STK4: variants seen among roughly 807,000 people sequenced by gnomAD.
The protein encoded by STK4 is serine/threonine-protein kinase 4.
STK4 carries 30 observed loss-of-function variants against 64.9 expected under a neutral mutation model. The observed-to-expected ratio is 0.46, with a 90% confidence interval of 0.35 to 0.63. The LOEUF (loss-of-function observed/expected upper bound fraction) is 0.63. Among genes scored for constraint, STK4 ranks in the 20% least tolerant of loss-of-function variants. The pLI is 0.01. For missense variants in STK4, 466 were observed against 598.5 expected (o/e 0.78, Z 2.31); for synonymous variants, 177 against 199.0 (o/e 0.89, Z 0.93).
intron 4 of STK4, among the ~76,000 whole-genome samples, chr20:44,982,156 G>A (rs1362960465): frequency 6.8e-6 from 1 of 147,568 alleles, no homozygotes; most frequent in Non-Finnish European, 1.5e-5. Flanking sequence ...CTGTCACCCA[G>A]GCTGGAGTGT....
intron 10 of STK4, among the ~76,000 whole-genome samples, chr20:45,067,551 A>G (rs530328589): frequency 4.3e-4 from 66 of 152,276 alleles, no homozygotes; most frequent in African/African-American, 1.5e-3. Flanking sequence ...TGTGTTCCCT[A>G]TGGGGCTGGT....
rs1980500214 is a variant in STK4 at position 45,076,187 on chromosome 20, T to C, written c.*1011T>C. 6.6e-6 allele frequency: 1 copy of C among 152,322 alleles called. No homozygotes were observed. The highest frequency in any genetic ancestry group is 2.4e-5 in the African/African-American group (1 of 41,460). The allele number at this position is 152,322 out of a possible 1,614,324, so 9.4% of individuals were successfully genotyped here. ...ACTGTTTTCTTTTCTCTTTTACTGCTAAGCAGCCTGGAAAGGATAAATGAA... is the reference window on the plus strand; with the variant it reads ...ACTGTTTTCTTTTCTCTTTTACTGCCAAGCAGCCTGGAAAGGATAAATGAA... On this transcript the variant is annotated 3_prime_UTR_variant, in exon 11 of 11. Transcript: ENST00000372806. The surrounding 1 kb of genome is among the most constrained non-coding windows in gnomAD (Gnocchi z 4.0).
chr20:44,980,856 G>T (rs1395304174), intron 3 of STK4, among the ~76,000 whole-genome samples: 3 of 152,032 alleles, frequency 2.0e-5, no homozygotes, highest in Admixed American at 1.3e-4. Context: ...TTTTAGTAGA[G>T]ACGGGGTTTC....
At chr20:45,069,304 T>C (rs911648454) in intron 10 of STK4, among the ~76,000 whole-genome samples, 51 of 152,242 alleles carry the variant, frequency 3.3e-4, no homozygotes, top group African/African-American at 1.1e-3. Flanking sequence ...ATACTTGGTC[T>C]GATCTCTTCA....
chr20:45,064,647 C>T (rs55658988), intron 10 of STK4, among the ~76,000 whole-genome samples: 5,376 of 152,044 alleles, frequency 0.035, 321 homozygotes, highest in African/African-American at 0.12. Flanking sequence ...TCTTTCACTT[C>T]CCTGGTTAGC....
Position 45,031,584 on chromosome 20 carries a change from A to G in STK4, c.1305+6454A>G, listed in dbSNP as rs373549718. 5.3e-5 allele frequency among the ~76,000 whole-genome samples: 8 copies of G among 152,260 alleles called. 1 individual carries two copies. Among genetic ancestry groups the G allele is most frequent in the East Asian group, 1.9e-4 (1 of 5,174 alleles). ...AGATACACTAGGCAAATACTCACTA[A>G]AAGAAAGTGGGTGAAACAATATTGA... On this transcript the variant is annotated intron_variant, in intron 10 of 10. Transcript: ENST00000372806.
At chr20:45,011,719 A>G (rs1460747917) in intron 9 of STK4, among the ~76,000 whole-genome samples, 2 of 104,488 alleles carry the variant, frequency 1.9e-5, no homozygotes, top group African/African-American at 3.9e-5. Flanking sequence ...ATATATATAT[A>G]TATATATATA....
intron 10 of STK4, among the ~76,000 whole-genome samples, chr20:45,040,374 A>C (rs533756232): frequency 6.6e-6 from 1 of 152,132 alleles, no homozygotes; most frequent in African/African-American, 2.4e-5. Context: ...TTCTCCAAAG[A>C]TATAACCAGG....
chr20:45,038,186 C>T (rs2068556842), intron 10 of STK4, among the ~76,000 whole-genome samples: 1 of 152,070 alleles, frequency 6.6e-6, no homozygotes. Context: ...ATCATCAAGT[C>T]AGCTATTCTT....
At chr20:44,970,883 A>G (rs1184412513) in intron 1 of STK4, among the ~76,000 whole-genome samples, 2 of 142,106 alleles carry the variant, frequency 1.4e-5, no homozygotes, top group Non-Finnish European at 3.1e-5. Context: ...TTAGGAAGGT[A>G]CACATTTGTG....
chr20:45,051,195 A>G (rs962090409), intron 10 of STK4, among the ~76,000 whole-genome samples: 1 of 152,178 alleles, frequency 6.6e-6, no homozygotes, highest in Non-Finnish European at 1.5e-5. Context: ...ATTTGATCCA[A>G]AGTACTTCTA....
intron 10 of STK4, among the ~76,000 whole-genome samples, chr20:45,062,504 C>T (rs752137086): frequency 7.2e-5 from 11 of 152,254 alleles, no homozygotes; most frequent in Non-Finnish European, 1.2e-4. Context: ...AATCACCACG[C>T]TGCTTTCTGC....
chr20:45,032,624 A>T (rs1292580440), intron 10 of STK4, among the ~76,000 whole-genome samples: 2 of 152,332 alleles, frequency 1.3e-5, no homozygotes, highest in African/African-American at 4.8e-5. Context: ...GTGGCTGTGT[A>T]GTATACCATG....
chr20:44,972,355 A>G (rs2067263142), intron 2 of STK4, 197 bp downstream of exon 2: 1 of 493,898 alleles, frequency 2.0e-6, no homozygotes, highest in East Asian at 3.4e-5. Context: ...TTTAACACGA[A>G]GAATATCTAT....
At chr20:45,059,404 G>T (rs1341927592) in intron 10 of STK4, among the ~76,000 whole-genome samples, 1 of 152,090 alleles carries the variant, frequency 6.6e-6, no homozygotes, top group Non-Finnish European at 1.5e-5. Context: ...TGCATTTTGG[G>T]TCTATTATTA....
chr20:45,015,619 T>C (rs145505874), intron 9 of STK4, among the ~76,000 whole-genome samples: 57 of 152,316 alleles, frequency 3.7e-4, no homozygotes, highest in African/African-American at 1.3e-3. Context: ...ACCCTATCTC[T>C]GAGTAAGGGC....
chr20:45,037,129 A>T (rs190557495), intron 10 of STK4, among the ~76,000 whole-genome samples: 3 of 152,220 alleles, frequency 2.0e-5, no homozygotes, highest in Non-Finnish European at 2.9e-5. Flanking sequence ...TAAAGTACAT[A>T]AAGAAGGGGC....
intron 5 of STK4, among the ~76,000 whole-genome samples, chr20:44,989,530 A>G (rs1253903292): frequency 2.1e-5 from 3 of 139,764 alleles, no homozygotes; most frequent in African/African-American, 7.5e-5. Context: ...ATTTGCAAAT[A>G]TTTTCTCTCA....
intron 5 of STK4, among the ~76,000 whole-genome samples, chr20:44,992,479 C>T (rs527722750): frequency 1.5e-4 from 22 of 151,418 alleles, no homozygotes; most frequent in African/African-American, 2.2e-4. Context: ...CAGGCTGGTC[C>T]GGAACTCCTG....
Sources: allele counts gnomAD v4.1 joint callset (sites outside exome capture counted in the v4.1 genomes callset), GRCh38; gene constraint gnomAD v4.1.1; non-coding constraint Gnocchi (gnomAD v3.1); transcripts MANE v1.5; gene names NCBI Gene and HGNC (gene_info 2026-07-23, HGNC 2026-07-21).